ABHD6: variants seen among roughly 807,000 people sequenced by gnomAD.
ABHD6 encodes the protein abhydrolase domain containing 6, acylglycerol lipase.
ABHD6 carries 33 observed loss-of-function variants against 38.8 expected under a neutral mutation model. That is an observed-to-expected ratio of 0.85 (90% CI 0.64 to 1.14). The LOEUF is 1.14. ABHD6 is among the 50% of genes most tolerant of loss of function. ABHD6 has a pLI of 0.00. For missense variants in ABHD6, 380 were observed against 422.6 expected (o/e 0.90, Z 0.88); for synonymous variants, 147 against 161.6 (o/e 0.91, Z 0.69).
intron 3 of ABHD6, among the ~76,000 whole-genome samples, chr3:58,264,620 G>A (rs1344643226): frequency 6.6e-6 from 1 of 152,088 alleles, no homozygotes; most frequent in African/African-American, 2.4e-5. Flanking sequence ...GGGCTTAGGA[G>A]GACAGGGCTG....
chr3:58,271,084 C>T lies in ABHD6; in HGVS notation c.523+20C>T. ...CTGCTGGTAAGTTATGAAGCTGAAA[C>T]ATCCCTCGGCAGGGATGAATCCCTG... On this transcript the variant is annotated intron_variant, in intron 6 of 9. Coordinates refer to ENST00000478253, the MANE Select transcript of ABHD6 (RefSeq NM_001320126.2). The T allele has an allele frequency of 6.3e-7, 1 of 1,576,270 alleles. No homozygotes were observed. Among genetic ancestry groups the T allele is most frequent in the Non-Finnish European group, 8.6e-7 (1 of 1,165,526 alleles).
intron 9 of ABHD6, among the ~76,000 whole-genome samples, chr3:58,289,237 A>AT (rs1553722017): frequency 7.3e-6 from 1 of 136,928 alleles, no homozygotes; most frequent in Non-Finnish European, 1.6e-5. Context: ...TATTTTTTTT[A>AT]TTTTTTTATT....
intron 2 of ABHD6, among the ~76,000 whole-genome samples, chr3:58,252,385 T>C (rs2097430648): frequency 6.6e-6 from 1 of 151,848 alleles, no homozygotes; most frequent in African/African-American, 2.4e-5. Context: ...GGCTAATTTT[T>C]GTATTTTTTG....
At chr3:58,246,996 A>G (rs1169234588) in intron 1 of ABHD6, among the ~76,000 whole-genome samples, 1 of 150,822 alleles carries the variant, frequency 6.6e-6, no homozygotes, top group Non-Finnish European at 1.5e-5. Flanking sequence ...TTCTTTCCTC[A>G]TAATGAAAAA....
rs1449042982 is a variant in ABHD6 at position 58,265,505 on chromosome 3, C to G, written c.120-1684C>G. 6.6e-6 allele frequency among the ~76,000 whole-genome samples: 1 copy of G among 152,108 alleles called. No individual in the cohort carries two copies. Among genetic ancestry groups the G allele is most frequent in the African/African-American group, 2.4e-5 (1 of 41,418 alleles). On this transcript the variant is annotated intron_variant, in intron 3 of 9. Transcript: ENST00000478253. This position sits in a 1 kb window ranked among gnomAD's most constrained non-coding sequence, Gnocchi z 4.2. ...ACATAATACTAATAACTATCATGTA[C>G]TGAATACTTACCATTTGCTGGGCAT...
intron 7 of ABHD6, among the ~76,000 whole-genome samples, chr3:58,277,289 G>C (rs984741655): frequency 1.3e-5 from 2 of 152,010 alleles, no homozygotes; most frequent in African/African-American, 2.4e-5. Context: ...CTTTTATTTC[G>C]TTGAGCAGTG....
intron 7 of ABHD6, among the ~76,000 whole-genome samples, chr3:58,283,212 C>T (rs1447033146): frequency 1.3e-5 from 2 of 152,174 alleles, no homozygotes; most frequent in African/African-American, 4.8e-5. Flanking sequence ...CCCTTTTTAG[C>T]CATGAAGTAG....
At chr3:58,278,802 C>A (rs1170622055) in intron 7 of ABHD6, among the ~76,000 whole-genome samples, 2 of 152,160 alleles carry the variant, frequency 1.3e-5, no homozygotes, top group Admixed American at 1.3e-4. Flanking sequence ...TACATTGTAT[C>A]TTTGTTCTCA....
rs755027565 is a variant in ABHD6 at position 58,266,592 on chromosome 3, C to CTT, written c.120-594_120-593dup. ...AAGACCAGTCAGTTTAGGTTATTTG[C>CTT]TTTTGCAAGACTTGGCTACTTCTTT... On this transcript the variant is annotated intron_variant, in intron 3 of 9. Transcript: ENST00000478253. The surrounding 1 kb of genome is among the most constrained non-coding windows in gnomAD (Gnocchi z 4.0). 1.3e-5 allele frequency among the ~76,000 whole-genome samples: 2 copies of CTT among 152,186 alleles called. No individual in the cohort carries two copies.
rs955884433 is a variant in ABHD6, at chr3:58,287,346, A to T, written c.837+1893A>T. Reference sequence around the variant, plus strand: ...GCATACCCTTTACCTAAATGCATCAATTTTTAACTGGCAGGAGGTCACACT... The same window carrying T: ...GCATACCCTTTACCTAAATGCATCATTTTTTAACTGGCAGGAGGTCACACT... On this transcript the variant is annotated intron_variant, in intron 9 of 9. Transcript: ENST00000478253. This position sits in a 1 kb window ranked among gnomAD's most constrained non-coding sequence, Gnocchi z 4.7. Among the ~76,000 whole-genome samples the T allele has an allele frequency of 3.9e-5, 6 of 152,130 alleles. No homozygotes were observed. The highest frequency in any genetic ancestry group is 8.8e-5 in the Non-Finnish European group (6 of 67,870).
intron 1 of ABHD6, among the ~76,000 whole-genome samples, chr3:58,248,203 G>A (rs2097427708): frequency 6.6e-6 from 1 of 151,934 alleles, no homozygotes. Flanking sequence ...TTATTTAAAT[G>A]GTTTATATTT....
intron 4 of ABHD6, among the ~76,000 whole-genome samples, chr3:58,268,628 G>T (rs1201154059): frequency 6.6e-6 from 1 of 152,140 alleles, no homozygotes; most frequent in Non-Finnish European, 1.5e-5. Context: ...CTAGTTAGTT[G>T]TATTCTTATT....
At chr3:58,239,128 C>A (rs1462017750) in intron 1 of ABHD6, among the ~76,000 whole-genome samples, 1 of 152,094 alleles carries the variant, frequency 6.6e-6, no homozygotes, top group Non-Finnish European at 1.5e-5. Flanking sequence ...ACCGCCCCCC[C>A]AACCCGACCT....
At chr3:58,274,953 C>T in intron 7 of ABHD6, 138 bp downstream of exon 7, 3 of 1,057,246 alleles carry the variant, frequency 2.8e-6, no homozygotes, top group Non-Finnish European at 4.1e-6. Context: ...GCAAGTGTCT[C>T]TGCAGTGCCT....
intron 7 of ABHD6, among the ~76,000 whole-genome samples, chr3:58,279,310 G>T (rs1417170694): frequency 2.0e-5 from 3 of 152,184 alleles, no homozygotes; most frequent in Admixed American, 1.3e-4. Flanking sequence ...ATATATTTAG[G>T]ATAGTTAGCT....
chr3:58,254,204 G>C (rs1394833807), intron 2 of ABHD6, among the ~76,000 whole-genome samples: 1 of 152,194 alleles, frequency 6.6e-6, no homozygotes, highest in African/African-American at 2.4e-5. Flanking sequence ...GCCTCTCAGA[G>C]CCTCAATTTC....
chr3:58,271,598 A>G (rs1312832310), intron 6 of ABHD6, among the ~76,000 whole-genome samples: 1 of 151,954 alleles, frequency 6.6e-6, no homozygotes, highest in Admixed American at 6.6e-5. Context: ...TAGTTTCTCT[A>G]CTGTTATATG....
chr3:58,272,050 C>T (rs1344575526), intron 6 of ABHD6, among the ~76,000 whole-genome samples: 9 of 152,046 alleles, frequency 5.9e-5, no homozygotes, highest in East Asian at 3.9e-4. Context: ...GTGATCTGCC[C>T]GCCTCCACCT....
intron 1 of ABHD6, among the ~76,000 whole-genome samples, chr3:58,241,548 G>C (rs1393102108): frequency 6.6e-6 from 1 of 152,198 alleles, no homozygotes; most frequent in Non-Finnish European, 1.5e-5. Context: ...TTGCTCTTAG[G>C]CATTTTTCCA....
Sources: allele counts gnomAD v4.1 joint callset (sites outside exome capture counted in the v4.1 genomes callset), GRCh38; gene constraint gnomAD v4.1.1; non-coding constraint Gnocchi (gnomAD v3.1); transcripts MANE v1.5; gene names NCBI Gene and HGNC (gene_info 2026-07-23, HGNC 2026-07-21).